NAIP: variants seen among roughly 807,000 people sequenced by gnomAD.
NAIP encodes the protein NLR family apoptosis inhibitory protein, also known as baculoviral IAP repeat-containing protein 1.
In NAIP, 15 loss-of-function variants were observed where a neutral mutation model predicts 23.0. The ratio of observed to expected loss-of-function variants is 0.65; its 90% CI spans 0.44 to 1.00. NAIP has a LOEUF of 1.00. NAIP is among the 50% of genes least tolerant of loss of function. NAIP has a pLI of 0.00. For missense variants in NAIP, 265 were observed against 278.8 expected (o/e 0.95, Z 0.35); for synonymous variants, 100 against 100.2 (o/e 1.00, Z 0.01).
Position 71,012,375 on chromosome 5 carries a change from G to A in NAIP, c.541C>T (p.Leu181Phe), listed in dbSNP as rs1751199157. The change falls in exon 4 of 17, where the codon CTC becomes TTC. Residue 181 changes from leucine to phenylalanine, a missense_variant. This residue lies in a region of NAIP where 261 missense variants were observed against 259.2 expected (regional missense o/e 1.01). Transcript: ENST00000517649. ...GTAAAGACAAAGCCAGCCTCTGAGA[G>A]CACACAAGGGGATATCCCTTGGACA... is the stretch of plus-strand genomic sequence containing the variant. Reference protein sequence around the residue: ...FYVQGISPCVLSEAGFVFTGK... With the variant: ...FYVQGISPCVFSEAGFVFTGK... 1 of 1,609,818 alleles carries A rather than the reference G, an allele frequency of 6.2e-7. No homozygotes were observed.
At chr5:71,009,644 C>T (rs369643564) in intron 5 of NAIP, among the ~76,000 whole-genome samples, 2 of 151,332 alleles carry the variant, frequency 1.3e-5, no homozygotes, top group East Asian at 1.9e-4. Context: ...GAGCCAAGAT[C>T]GTACCACTGG....
intron 5 of NAIP, among the ~76,000 whole-genome samples, chr5:71,009,665 G>A (rs1466643956): frequency 2.6e-5 from 4 of 151,474 alleles, no homozygotes; most frequent in African/African-American, 7.3e-5. Context: ...GCAACAGGGC[G>A]AGACTCTGTC....
intron 13 of NAIP, among the ~76,000 whole-genome samples, chr5:70,979,593 T>A (rs200151814): frequency 0.086 from 2,419 of 28,060 alleles, 457 homozygotes; most frequent in South Asian, 0.14. Context: ...AAAATAATAA[T>A]AATAATAATA....
rs529836548 is a variant in NAIP at position 71,010,317 on chromosome 5, G to A, written c.668+958C>T. Among the ~76,000 whole-genome samples the A allele has an allele frequency of 1.8e-3, 266 of 151,324 alleles. 11 individuals carry two copies. Among genetic ancestry groups the A allele is most frequent in the Non-Finnish European group, 2.7e-3 (182 of 67,716 alleles). On this transcript the variant is annotated intron_variant, in intron 5 of 16. Coordinates refer to ENST00000517649, the MANE Select transcript of NAIP (RefSeq NM_004536.3). ...GGAGTCTCACTCTGTCGCCCAGGCC[G>A]GAGTGCAGTGGCGCTATCTCGGCTC...
At position 71,012,650 on chromosome 5, in the gene NAIP, G is replaced by C. The variant is rs367842667; in HGVS notation, c.266C>G (p.Thr89Ser). Residue 89 changes from threonine (T) to serine (S), a missense_variant, in exon 4 of 17, where the codon ACT (threonine) becomes AGT (serine). By Grantham distance (58) the Thr-to-Ser change is moderately conservative. This residue lies in a region of NAIP where 261 missense variants were observed against 259.2 expected (regional missense o/e 1.01). Coordinates refer to ENST00000517649, the MANE Select transcript of NAIP (RefSeq NM_004536.3). Reference protein sequence around the residue: ...QEMAAAGFYFTGVKSGIQCFC... With the variant: ...QEMAAAGFYFSGVKSGIQCFC... ...GCACTGAATCCCAGATTTTACCCCA[G>C]TGAAGTAAAACCCAGCGGCCGCCAT... 3 of 1,611,970 alleles carry C rather than the reference G, an allele frequency of 1.9e-6. No homozygotes were observed. The highest frequency in any genetic ancestry group is 2.5e-6 in the Non-Finnish European group (3 of 1,178,494).
intron 5 of NAIP, among the ~76,000 whole-genome samples, chr5:71,010,192 T>C (rs1751082293): frequency 6.6e-6 from 1 of 151,406 alleles, no homozygotes; most frequent in Non-Finnish European, 1.5e-5. Flanking sequence ...AATGCAGCCT[T>C]GACTACCTGG....
At chr5:71,010,400 C>G (rs1355134898) in intron 5 of NAIP, among the ~76,000 whole-genome samples, 1 of 151,524 alleles carries the variant, frequency 6.6e-6, no homozygotes, top group African/African-American at 2.4e-5. Context: ...TCCCAAGTAG[C>G]TGGGACTACA....
chr5:71,012,990 C>A, intron 3 of NAIP, 72 bp from the exon 4 acceptor site: 2 of 1,303,534 alleles, frequency 1.5e-6, no homozygotes, highest in Non-Finnish European at 2.1e-6. Flanking sequence ...CCCACTGTTT[C>A]CGAAGAAACC....
rs189976766 is a variant in NAIP at position 71,017,615 on chromosome 5, A to G, written c.-4+3044T>C. On this transcript the variant is annotated intron_variant, in intron 3 of 16. Transcript: ENST00000517649. ...GAGTGCAGTGGCAAAATTTTGACTC[A>G]CCGCAACCTCTGCTTCCCAGGTTCA... Among the ~76,000 whole-genome samples the G allele has an allele frequency of 6.6e-3, 552 of 83,760 alleles. 62 individuals are homozygous for G. Among genetic ancestry groups the G allele is most frequent in the African/African-American group, 0.018 (530 of 30,052 alleles). The allele number at this position is 83,760 out of a possible 152,430, so 54.9% of individuals were successfully genotyped here. A position where few individuals can be genotyped will look rare whatever the true frequency, so the allele number is the denominator to read the frequency against.
At chr5:71,014,757 G>A (rs1751354275) in intron 3 of NAIP, among the ~76,000 whole-genome samples, 1 of 151,232 alleles carries the variant, frequency 6.6e-6, no homozygotes, top group African/African-American at 2.4e-5. Flanking sequence ...AAAAAAATTA[G>A]CCGGGCATGA....
intron 5 of NAIP, among the ~76,000 whole-genome samples, chr5:71,008,512 A>G (rs1233404828): frequency 1.3e-5 from 1 of 75,386 alleles, no homozygotes; most frequent in Non-Finnish European, 2.6e-5. Context: ...GTTAAAGAAA[A>G]TAGAATCTGA....
At chr5:70,972,895 T>A (rs1233605513) in intron 16 of NAIP, among the ~76,000 whole-genome samples, 7 of 53,998 alleles carry the variant, frequency 1.3e-4, no homozygotes, top group African/African-American at 1.8e-4. Flanking sequence ...TGTCATTGTT[T>A]TTTGTTTTTT....
chr5:70,996,707 T>C (rs1200842262), intron 9 of NAIP, among the ~76,000 whole-genome samples: 1 of 129,758 alleles, frequency 7.7e-6, no homozygotes, highest in Non-Finnish European at 1.6e-5. Flanking sequence ...GGCAGGAGAA[T>C]GGCATGAACC....
At chr5:71,010,628 T>G (rs1419556902) in intron 5 of NAIP, among the ~76,000 whole-genome samples, 2 of 151,144 alleles carry the variant, frequency 1.3e-5, no homozygotes, top group Admixed American at 1.3e-4. Context: ...AAACTCCTGA[T>G]TTCAAGCAAT....
In NAIP at chr5:71,011,390, A is replaced by G. The variant is rs1293279614; in HGVS notation, c.569-16T>C. 5 of 1,567,328 alleles carry G rather than the reference A, an allele frequency of 3.2e-6. No homozygotes were observed. The highest frequency in any genetic ancestry group is 4.4e-6 in the Non-Finnish European group (5 of 1,146,098). Reference sequence around the variant, plus strand: ...TCCTGTTTACCTATATATGAAGGAAAATATTTAGATTGCCTGGCAGTGGCA... The same window carrying G: ...TCCTGTTTACCTATATATGAAGGAAGATATTTAGATTGCCTGGCAGTGGCA... On this transcript the variant is annotated splice_polypyrimidine_tract_variant and intron_variant, in intron 4 of 16. Transcript: ENST00000517649.
At chr5:71,012,999 C>A in intron 3 of NAIP, 81 bp from the exon 4 acceptor site, 6 of 1,247,722 alleles carry the variant, frequency 4.8e-6, no homozygotes, top group South Asian at 3.2e-5. Context: ...TCCGAAGAAA[C>A]CAGGAATTAA....
chr5:71,012,162 G>A (rs927226827), intron 4 of NAIP, among the ~76,000 whole-genome samples, 186 bp downstream of exon 4: 8 of 151,522 alleles, frequency 5.3e-5, no homozygotes, highest in Non-Finnish European at 1.0e-4. Context: ...AACACAGGCT[G>A]TACTAAATAG....
In NAIP at chr5:71,012,721, CT is replaced by C; in HGVS notation, c.194del (p.Lys65ArgfsTer4). The C allele has an allele frequency of 6.2e-7, 1 of 1,611,840 alleles. No individual in the cohort carries two copies. The highest frequency in any genetic ancestry group is 8.5e-7 in the Non-Finnish European group (1 of 1,178,460). ...TGTACGGCTCATAAGTCACAAAAGTCTTTAACCTTTTTGCTTCACTGCGCAT... is the reference window on the plus strand; with the variant it reads ...TGTACGGCTCATAAGTCACAAAAGTCTTAACCTTTTTGCTTCACTGCGCAT... ...SQMRSEAKRL[K>X]TFVTYEPYSS... On this transcript the variant is annotated frameshift_variant, in exon 4 of 17. Transcript: ENST00000517649. LOFTEE classifies it high-confidence loss of function.
chr5:71,012,119 TA>T (rs1476834125), intron 4 of NAIP, among the ~76,000 whole-genome samples: 1 of 151,614 alleles, frequency 6.6e-6, no homozygotes, highest in Non-Finnish European at 1.5e-5. Flanking sequence ...TAAGGAGACG[TA>T]ACTTTCTTAT....
Sources: gnomAD v4.1 joint callset for allele counts (sites outside exome capture counted in the v4.1 genomes callset) on GRCh38, gnomAD v4.1.1 for gene constraint, gnomAD v4.1.1 regional missense constraint, MANE v1.5 for transcripts, NCBI Gene and HGNC (gene_info 2026-07-23, HGNC 2026-07-21) for gene names.